Variants in CFAP299 observed in about 807,000 individuals in gnomAD.
CFAP299 encodes cilia- and flagella-associated protein 299.
In CFAP299, 21 loss-of-function variants were observed where a neutral mutation model predicts 27.0. The ratio of observed to expected loss-of-function variants is 0.78; its 90% CI spans 0.55 to 1.12. The LOEUF is 1.12. Ranked by LOEUF, CFAP299 falls within the 50% of genes most tolerant of loss-of-function variation. The pLI is 0.00. For synonymous variants in CFAP299, 104 were observed against 98.1 expected, an observed-to-expected ratio of 1.06 and a Z score of -0.36; for missense variants, 310 against 276.6, an observed-to-expected ratio of 1.12 and a Z score of -0.86.
intron 2 of CFAP299, among the ~76,000 whole-genome samples, chr4:80,474,472 A>G (rs2110119693): frequency 6.6e-6 from 1 of 152,308 alleles, no homozygotes; most frequent in South Asian, 2.1e-4. Flanking sequence ...AAAATGTCCA[A>G]AAATTCATTT....
chr4:80,800,524 A>C (rs28804451), intron 3 of CFAP299, among the ~76,000 whole-genome samples: 1 of 11,404 alleles, frequency 8.8e-5, no homozygotes, highest in African/African-American at 3.0e-4. Context: ...TATAATATAT[A>C]ATATATTATA....
intron 3 of CFAP299, among the ~76,000 whole-genome samples, chr4:80,844,161 C>G (rs546221883): frequency 6.6e-6 from 1 of 152,234 alleles, no homozygotes; most frequent in South Asian, 2.1e-4. Context: ...CATTCTTGGA[C>G]ATTTGGGTTG....
At chr4:80,374,506 G>A (rs1393222720) in intron 2 of CFAP299, among the ~76,000 whole-genome samples, 3 of 152,140 alleles carry the variant, frequency 2.0e-5, no homozygotes, top group Admixed American at 1.3e-4. Context: ...CTGAAGAGCA[G>A]TGGGCTACTT....
At chr4:80,595,249 G>A (rs1316314509) in intron 3 of CFAP299, among the ~76,000 whole-genome samples, 4 of 151,910 alleles carry the variant, frequency 2.6e-5, no homozygotes, top group Admixed American at 2.0e-4. Context: ...CTTGTATGCA[G>A]CCTCCTCCCT....
intron 3 of CFAP299, among the ~76,000 whole-genome samples, chr4:80,699,236 G>T (rs1184568004): frequency 6.6e-6 from 1 of 152,088 alleles, no homozygotes; most frequent in Non-Finnish European, 1.5e-5. Flanking sequence ...GTACTTATAA[G>T]AAACTCTGTT....
intron 3 of CFAP299, among the ~76,000 whole-genome samples, chr4:80,782,620 AAT>A (rs1381025308): frequency 1.4e-4 from 15 of 105,584 alleles, no homozygotes; most frequent in African/African-American, 4.8e-4. Flanking sequence ...ATTAATATAT[AAT>A]ATATTCATAT....
chr4:80,606,457 C>T (rs999399542), intron 3 of CFAP299, among the ~76,000 whole-genome samples: 8 of 152,114 alleles, frequency 5.3e-5, no homozygotes, highest in African/African-American at 1.9e-4. Context: ...ATCGCTTGAA[C>T]CTGGGAAGCA....
At chr4:80,362,610 T>C (rs908516247) in intron 1 of CFAP299, 144 bp from the exon 2 acceptor site, 1 of 839,450 alleles carries the variant, frequency 1.2e-6, no homozygotes, top group Non-Finnish European at 1.7e-6. Flanking sequence ...TTATATCTAA[T>C]AGATCATGTC....
At chr4:80,432,836 T>C (rs1727891009) in intron 2 of CFAP299, among the ~76,000 whole-genome samples, 1 of 152,180 alleles carries the variant, frequency 6.6e-6, no homozygotes, top group Admixed American at 6.5e-5. Context: ...CTCTATTTTT[T>C]ATATACTTTC....
At chr4:80,449,264 T>C (rs999039451) in intron 2 of CFAP299, among the ~76,000 whole-genome samples, 9 of 151,612 alleles carry the variant, frequency 5.9e-5, no homozygotes, top group African/African-American at 2.2e-4. Flanking sequence ...TATATGTAAG[T>C]ACAACTAAAA....
intron 1 of CFAP299, among the ~76,000 whole-genome samples, chr4:80,342,016 A>G (rs1327534236): frequency 6.6e-6 from 1 of 152,230 alleles, no homozygotes; most frequent in Non-Finnish European, 1.5e-5. Context: ...GAAATTCACA[A>G]TGTAATCACA....
chr4:80,727,882 C>A (rs1406162013), intron 3 of CFAP299, among the ~76,000 whole-genome samples: 1 of 151,374 alleles, frequency 6.6e-6, no homozygotes, highest in Non-Finnish European at 1.5e-5. Context: ...TTAGGAAATT[C>A]TTCATACTGT....
At chr4:80,891,832 A>G (rs1391627742) in intron 4 of CFAP299, among the ~76,000 whole-genome samples, 1 of 101,394 alleles carries the variant, frequency 9.9e-6, no homozygotes, top group Non-Finnish European at 1.7e-5. Context: ...GATTAAAGGA[A>G]AAAAAAAAAA....
rs185196794 is a variant in CFAP299, at chr4:80,779,181, G to T, written c.334-90812G>T. 3.8e-3 allele frequency among the ~76,000 whole-genome samples: 585 copies of T among 152,158 alleles called. 1 individual carries two copies. Among genetic ancestry groups the T allele is most frequent in the Non-Finnish European group, 5.2e-3 (356 of 67,992 alleles). The stretch of plus-strand genomic sequence containing the variant: ...CAAACTATGGGCAAAGCTAAAGCCT[G>T]CATTAAGCAGTCTGATCCAGCGTCT... On this transcript the variant is annotated intron_variant, in intron 3 of 5. Transcript: ENST00000358105.
intron 3 of CFAP299, among the ~76,000 whole-genome samples, chr4:80,617,632 G>A (rs1186088590): frequency 6.6e-6 from 1 of 152,084 alleles, no homozygotes; most frequent in East Asian, 1.9e-4. Context: ...TCCATTAAGG[G>A]TGGCAGACAT....
At chr4:80,669,107 T>G (rs1577996383) in intron 3 of CFAP299, among the ~76,000 whole-genome samples, 1 of 5,296 alleles carries the variant, frequency 1.9e-4, no homozygotes, top group South Asian at 0.056. Context: ...AATTTCTTTT[T>G]TCTTTTCTTT....
At chr4:80,550,434 C>T (rs1734443230) in intron 2 of CFAP299, among the ~76,000 whole-genome samples, 1 of 152,034 alleles carries the variant, frequency 6.6e-6, no homozygotes. Context: ...CCTTTATCTA[C>T]ATATGTTTGA....
intron 3 of CFAP299, among the ~76,000 whole-genome samples, chr4:80,760,499 G>C (rs189830392): frequency 3.7e-4 from 56 of 152,220 alleles, no homozygotes; most frequent in African/African-American, 1.3e-3. Flanking sequence ...CTTTAACCAA[G>C]AGCTATACAG....
Position 80,665,910 on chromosome 4 carries a change from C to T in CFAP299, c.333+82727C>T, listed in dbSNP as rs150048922. Among the ~76,000 whole-genome samples, 255 of 152,154 alleles carry T rather than the reference C, an allele frequency of 1.7e-3. 4 individuals carry two copies. Among genetic ancestry groups the T allele is most frequent in the African/African-American group, 5.9e-3 (244 of 41,492 alleles). ...CTCCCCCTTGGTCCTGCTCCTGCCA[C>T]GTGAGATGCCTGCTCCCTCTTTGCT... On this transcript the variant is annotated intron_variant, in intron 3 of 5. Transcript: ENST00000358105.
Sources: allele counts gnomAD v4.1 joint callset (sites outside exome capture counted in the v4.1 genomes callset), GRCh38; gene constraint gnomAD v4.1.1; transcripts MANE v1.5; gene names NCBI Gene and HGNC (gene_info 2026-07-23, HGNC 2026-07-21).